NFIA: variants seen among roughly 807,000 people sequenced by gnomAD.
The protein encoded by NFIA is nuclear factor 1 A-type.
In NFIA, 8 loss-of-function variants were observed where a neutral mutation model predicts 62.8. The observed-to-expected ratio is 0.13, with a 90% confidence interval of 0.07 to 0.23. The LOEUF (loss-of-function observed/expected upper bound fraction) is 0.23, where lower values mean the gene tolerates loss of function less well. NFIA is among the 10% of genes least tolerant of loss of function. NFIA has a pLI of 1.00. For missense variants in NFIA, 410 were observed against 642.1 expected, an observed-to-expected ratio of 0.64 and a Z score of 3.91; for synonymous variants, 235 against 238.1, an observed-to-expected ratio of 0.99 and a Z score of 0.12.
At position 61,100,770 on chromosome 1, in the gene NFIA, T is replaced by A. The variant is rs1313064963; in HGVS notation, c.559+12090T>A. Reference sequence around the variant, plus strand: ...AACACCCTGGGCTAACTTAAAAAAATATTTTGTGGAGATAGAGTCTCACTA... The same window carrying A: ...AACACCCTGGGCTAACTTAAAAAAAAATTTTGTGGAGATAGAGTCTCACTA... On this transcript the variant is annotated intron_variant, in intron 2 of 10. Coordinates refer to ENST00000403491, the MANE Select transcript of NFIA (RefSeq NM_001134673.4). 2.6e-5 allele frequency among the ~76,000 whole-genome samples: 4 copies of A among 152,026 alleles called. No homozygotes were observed. The East Asian group carries it at 7.8e-4, about 30-fold the overall frequency.
chr1:61,385,452 A>G (rs1265680545), intron 7 of NFIA, among the ~76,000 whole-genome samples: 2 of 152,150 alleles, frequency 1.3e-5, no homozygotes, highest in Non-Finnish European at 1.5e-5. Context: ...CCTCATCAAT[A>G]TAGTGGGTAC....
intron 4 of NFIA, among the ~76,000 whole-genome samples, chr1:61,344,239 T>C (rs1292562734): frequency 6.6e-6 from 1 of 152,198 alleles, no homozygotes; most frequent in Non-Finnish European, 1.5e-5. Flanking sequence ...ACTGTGCCTT[T>C]GATAGAAAGA....
At chr1:61,112,544 G>GT (rs942169246) in intron 2 of NFIA, among the ~76,000 whole-genome samples, 1 of 152,124 alleles carries the variant, frequency 6.6e-6, no homozygotes, top group Non-Finnish European at 1.5e-5. Context: ...AGATTGTCTT[G>GT]TAATTGTCTT....
chr1:61,274,475 C>A (rs1402948616), intron 2 of NFIA, among the ~76,000 whole-genome samples: 1 of 152,164 alleles, frequency 6.6e-6, no homozygotes, highest in Non-Finnish European at 1.5e-5. Context: ...ATATACAGAT[C>A]TTCTGGCTTT....
At chr1:61,211,025 A>G (rs1467146054) in intron 2 of NFIA, among the ~76,000 whole-genome samples, 1 of 152,222 alleles carries the variant, frequency 6.6e-6, no homozygotes, top group Non-Finnish European at 1.5e-5. Context: ...CAAGTAAGAA[A>G]ATAGATTGCA....
chr1:61,235,682 G>A (rs112917934), intron 2 of NFIA, among the ~76,000 whole-genome samples: 10,387 of 149,298 alleles, frequency 0.07, 1,187 homozygotes, highest in African/African-American at 0.24. Context: ...GTGTGGTGAT[G>A]CACACCTGTG....
chr1:61,317,452 T>G (rs1209114842), intron 3 of NFIA, among the ~76,000 whole-genome samples: 2 of 152,012 alleles, frequency 1.3e-5, no homozygotes, highest in Non-Finnish European at 2.9e-5. Context: ...ACAATTATTT[T>G]CATAAACACA....
intron 2 of NFIA, among the ~76,000 whole-genome samples, chr1:61,148,449 G>A (rs1250102902): frequency 6.6e-6 from 1 of 152,078 alleles, no homozygotes; most frequent in Non-Finnish European, 1.5e-5. Context: ...GCACCTTCTA[G>A]AAGACGTTTT....
At chr1:61,446,825 A>G (rs1667832194) in intron 10 of NFIA, among the ~76,000 whole-genome samples, 1 of 152,184 alleles carries the variant, frequency 6.6e-6, no homozygotes, top group South Asian at 2.1e-4. Flanking sequence ...ATTGGCTCTC[A>G]ACCTGAGTCA....
chr1:61,106,162 T>G (rs1646596182), intron 2 of NFIA, among the ~76,000 whole-genome samples: 1 of 151,730 alleles, frequency 6.6e-6, no homozygotes, highest in African/African-American at 2.4e-5. Context: ...ATATATATAT[T>G]TCTTCATATA....
chr1:61,378,362 G>C lies in NFIA; in HGVS notation c.947-4875G>C, dbSNP rs369526548. Among the ~76,000 whole-genome samples, 10 of 152,190 alleles carry C rather than the reference G, an allele frequency of 6.6e-5. No individual in the cohort carries two copies. In the East Asian group the frequency reaches 7.7e-4, roughly 12 times the overall value. The stretch of plus-strand genomic sequence containing the variant: ...GTCCCTCGAAAATTACCACTTTTTA[G>C]TTCCCTTTCTAAGAATACGTCTTAC... On this transcript the variant is annotated intron_variant, in intron 6 of 10. Coordinates refer to ENST00000403491, the MANE Select transcript of NFIA (RefSeq NM_001134673.4).
chr1:61,357,699 A>G (rs186192177), intron 5 of NFIA, among the ~76,000 whole-genome samples: 44 of 152,206 alleles, frequency 2.9e-4, no homozygotes, highest in Middle Eastern at 3.4e-3. Context: ...CTCTGTCTCC[A>G]TGTCTGACTC....
intron 2 of NFIA, among the ~76,000 whole-genome samples, chr1:61,214,305 G>A (rs1387350502): frequency 6.6e-6 from 1 of 150,954 alleles, no homozygotes; most frequent in African/African-American, 2.5e-5. Context: ...CCACTTAAGT[G>A]GAGCTCCAGC....
At chr1:61,300,038 C>T (rs775621738) in intron 3 of NFIA, among the ~76,000 whole-genome samples, 4 of 152,002 alleles carry the variant, frequency 2.6e-5, no homozygotes, top group Non-Finnish European at 5.9e-5. Context: ...ACAAAAAACT[C>T]ATCCATGAGC....
At chr1:61,226,003 T>G (rs1557647917) in intron 2 of NFIA, among the ~76,000 whole-genome samples, 1 of 152,228 alleles carries the variant, frequency 6.6e-6, no homozygotes, top group South Asian at 2.1e-4. Context: ...TGTAATCTAA[T>G]TCACTAATGT....
intron 10 of NFIA, among the ~76,000 whole-genome samples, chr1:61,434,215 G>C (rs1039000535): frequency 1.3e-4 from 20 of 152,258 alleles, no homozygotes; most frequent in African/African-American, 4.6e-4. Context: ...AGAATCTAAA[G>C]GGAAAGGAGG....
intron 4 of NFIA, among the ~76,000 whole-genome samples, chr1:61,338,900 G>A (rs1052278729): frequency 6.6e-6 from 1 of 152,142 alleles, no homozygotes; most frequent in Non-Finnish European, 1.5e-5. Flanking sequence ...ATCATTGCAT[G>A]GAAATTAATT....
chr1:61,180,259 T>G (rs895458692), intron 2 of NFIA, among the ~76,000 whole-genome samples: 5 of 152,166 alleles, frequency 3.3e-5, no homozygotes, highest in African/African-American at 1.2e-4. Context: ...ACTCATACTT[T>G]GATTTTGTGG....
chr1:61,315,891 T>C (rs1299312365), intron 3 of NFIA, among the ~76,000 whole-genome samples: 1 of 152,230 alleles, frequency 6.6e-6, no homozygotes, highest in Non-Finnish European at 1.5e-5. Context: ...CGTATTTCCA[T>C]AGAGTCTGTG....
Sources: gnomAD v4.1 joint callset for allele counts (sites outside exome capture counted in the v4.1 genomes callset) on GRCh38, gnomAD v4.1.1 for gene constraint, MANE v1.5 for transcripts, NCBI Gene and HGNC (gene_info 2026-07-23, HGNC 2026-07-21) for gene names.